Variants in CD8B2 observed in about 807,000 individuals in gnomAD.
CD8B2 encodes the protein T-cell surface glycoprotein CD8 beta-2 chain.
A neutral mutation model predicts 23.7 loss-of-function variants in CD8B2; 11 were observed. The observed-to-expected ratio is 0.46, with a 90% CI of 0.29 to 0.77. CD8B2 has a LOEUF of 0.77. CD8B2 is among the 30% of genes least tolerant of loss of function. The pLI, the probability that CD8B2 is intolerant of heterozygous loss-of-function variation, is 0.09. For missense variants in CD8B2, 197 were observed against 270.5 expected, an observed-to-expected ratio of 0.73 and a Z score of 1.91; for synonymous variants, 90 against 109.3, an observed-to-expected ratio of 0.82 and a Z score of 1.10.
chr2:106,543,492 TGCACTCCA>T (rs1680209504), intron 5 of CD8B2, among the ~76,000 whole-genome samples: 2 of 152,148 alleles, frequency 1.3e-5, no homozygotes. Context: ...ACTGCACTAC[TGCACTCCA>T]GCCTGGGTAA....
At chr2:106,521,763 GATGGGA>G (rs1325790642) in intron 5 of CD8B2, 1 of 152,242 alleles carries the variant, frequency 6.6e-6, no homozygotes, top group African/African-American at 2.4e-5. Context: ...CCCTCCCCAT[GATGGGA>G]ATGATCAGAA....
intron 3 of CD8B2, among the ~76,000 whole-genome samples, chr2:106,496,471 C>T (rs532017503): frequency 6.1e-4 from 92 of 152,018 alleles, no homozygotes; most frequent in African/African-American, 2.1e-3. Context: ...CTGGACAAAG[C>T]TTAATGGAGG....
At chr2:106,532,335 AT>A (rs201610590) in intron 5 of CD8B2, among the ~76,000 whole-genome samples, 35 of 151,500 alleles carry the variant, frequency 2.3e-4, no homozygotes, top group African/African-American at 8.0e-4. Flanking sequence ...CTCTTTACAC[AT>A]TTTTTTTTCT....
intron 5 of CD8B2, among the ~76,000 whole-genome samples, chr2:106,520,164 C>T (rs529037484): frequency 9.1e-4 from 139 of 152,266 alleles, no homozygotes; most frequent in Non-Finnish European, 1.8e-3. Flanking sequence ...GTTCATTCTT[C>T]ATTTTATAGT....
chr2:106,500,410 T>C (rs1306953094), intron 3 of CD8B2, among the ~76,000 whole-genome samples: 3 of 147,312 alleles, frequency 2.0e-5, no homozygotes, highest in Admixed American at 1.4e-4. Flanking sequence ...TCCCAGCTAC[T>C]AAGGAGGCTG....
chr2:106,490,199 C>T (rs1244122585), intron 1 of CD8B2, among the ~76,000 whole-genome samples: 1 of 152,066 alleles, frequency 6.6e-6, no homozygotes, highest in African/African-American at 2.4e-5. Context: ...TTGGAGCCTA[C>T]CGAAGGGCTG....
At chr2:106,513,820 G>A (rs550533213), downstream of CD8B2, among the ~76,000 whole-genome samples, 2 of 152,250 alleles carry the variant, frequency 1.3e-5, no homozygotes, top group African/African-American at 4.8e-5. Flanking sequence ...TTCGGATCAC[G>A]AAGGCTCTAG....
In CD8B2 at chr2:106,507,053, T is replaced by G; in HGVS notation, c.*113T>G. On this transcript the variant is annotated 3_prime_UTR_variant, in exon 6 of 6. Transcript: ENST00000643224. ...CAACCCTGGAGAGTTCAATGGCTGC[T>G]GAAGCTGCCTGCTTTTCACTGCTGC... The G allele has an allele frequency of 1.3e-6, 2 of 1,501,930 alleles. No individual in the cohort carries two copies. The highest frequency in any genetic ancestry group is 2.8e-5 in the South Asian group (2 of 72,428). 93.0% of individuals were successfully genotyped at this position (1,501,930 alleles called of 1,614,324 possible).
intron 3 of CD8B2, among the ~76,000 whole-genome samples, chr2:106,498,216 C>T (rs1573332088): frequency 6.6e-6 from 1 of 151,216 alleles, no homozygotes; most frequent in Non-Finnish European, 1.5e-5. Context: ...GGCGTGATCT[C>T]AGCTCATTGC....
At chr2:106,488,455 G>C (rs1679124885) in intron 1 of CD8B2, among the ~76,000 whole-genome samples, 1 of 151,992 alleles carries the variant, frequency 6.6e-6, no homozygotes, top group Admixed American at 6.6e-5. Flanking sequence ...GGAAGAGCCG[G>C]GGTGTGTCTC....
intron 5 of CD8B2, among the ~76,000 whole-genome samples, chr2:106,519,122 TA>T (rs1165869679): frequency 6.6e-6 from 1 of 152,148 alleles, no homozygotes; most frequent in Non-Finnish European, 1.5e-5. Context: ...GTTTACAAAT[TA>T]GATGATATTT....
intron 5 of CD8B2, among the ~76,000 whole-genome samples, chr2:106,542,091 C>G (rs1680183157): frequency 6.6e-6 from 1 of 152,264 alleles, no homozygotes; most frequent in Non-Finnish European, 1.5e-5. Flanking sequence ...CCACTTGCCA[C>G]TTTAACTGGT....
intron 5 of CD8B2, among the ~76,000 whole-genome samples, chr2:106,540,834 A>T (rs989662088): frequency 2.6e-5 from 4 of 152,228 alleles, no homozygotes; most frequent in Non-Finnish European, 4.4e-5. Flanking sequence ...AAGTGCTGGG[A>T]TTACAGGCGC....
rs1265916777 is a variant in CD8B2, at chr2:106,506,953, G to A, written c.*13G>A. On this transcript the variant is annotated 3_prime_UTR_variant, in exon 6 of 6. Coordinates refer to ENST00000643224, the MANE Select transcript of CD8B2 (RefSeq NM_001349727.2). ...ATTTTACAAATGAGCAGAGAATACG[G>A]TTTTGGTGTCCTGCTACAAAAAGAC... The A allele has an allele frequency of 7.5e-6, 12 of 1,599,816 alleles. No homozygotes were observed. The highest frequency in any genetic ancestry group is 8.5e-6 in the Non-Finnish European group (10 of 1,173,574).
At chr2:106,492,218 C>G (rs1388918608) in intron 2 of CD8B2, among the ~76,000 whole-genome samples, 3 of 151,990 alleles carry the variant, frequency 2.0e-5, no homozygotes, top group Non-Finnish European at 4.4e-5. Context: ...CCTCCATGAC[C>G]CACTTAATCC....
chr2:106,530,614 C>T (rs184592536), intron 5 of CD8B2, among the ~76,000 whole-genome samples: 159 of 152,196 alleles, frequency 1.0e-3, no homozygotes, highest in African/African-American at 3.6e-3. Context: ...CTCCTGACCT[C>T]GTGATCCACC....
chr2:106,489,805 G>A (rs753566496), intron 1 of CD8B2, among the ~76,000 whole-genome samples: 10 of 152,136 alleles, frequency 6.6e-5, no homozygotes, highest in Non-Finnish European at 1.3e-4. Context: ...CCAACCCTCA[G>A]AGGCAGGCAG....
chr2:106,513,647 G>A (rs1033264017), downstream of CD8B2, among the ~76,000 whole-genome samples: 3 of 151,766 alleles, frequency 2.0e-5, 1 homozygote, highest in Admixed American at 2.0e-4. Context: ...CAAGCCTGAA[G>A]CTGCCTGCTG....
At chr2:106,516,467 G>A (rs1219498070) in intron 5 of CD8B2, among the ~76,000 whole-genome samples, 3 of 152,236 alleles carry the variant, frequency 2.0e-5, no homozygotes, top group East Asian at 1.9e-4. Flanking sequence ...ACCAATGGCC[G>A]GTTTTATAGC....
Sources: gnomAD v4.1 joint callset for allele counts (sites outside exome capture counted in the v4.1 genomes callset) on GRCh38, gnomAD v4.1.1 for gene constraint, MANE v1.5 for transcripts, NCBI Gene and HGNC (gene_info 2026-07-23, HGNC 2026-07-21) for gene names.